The following VWA5B1 variants were observed in gnomAD, a reference collection of about 807,000 sequenced individuals.
VWA5B1 encodes von Willebrand factor A domain-containing protein 5B1.
VWA5B1 carries 115 observed loss-of-function variants against 118.2 expected under a neutral mutation model. The ratio of observed to expected loss-of-function variants is 0.97; its 90% CI spans 0.84 to 1.14. The LOEUF (loss-of-function observed/expected upper bound fraction) is 1.14, where lower values mean the gene tolerates loss of function less well. Among genes scored for constraint, VWA5B1 ranks in the 50% most tolerant of loss-of-function variants. The pLI, the probability that VWA5B1 is intolerant of heterozygous loss-of-function variation, is 0.00. For synonymous variants in VWA5B1, 682 were observed against 658.4 expected (o/e 1.04, Z -0.55); for missense variants, 1,596 against 1,603.8 (o/e 1.00, Z 0.08).
chr1:20,294,882 C>G (rs2100794132), intron 1 of VWA5B1, among the ~76,000 whole-genome samples: 1 of 152,390 alleles, frequency 6.6e-6, no homozygotes, highest in African/African-American at 2.4e-5. Context: ...AGCCACCATG[C>G]CTGGCCTCCC....
rs2090237967 is a variant in VWA5B1 at position 20,356,804 on chromosome 1, T to C, written c.*2541T>C. Among the ~76,000 whole-genome samples the C allele has an allele frequency of 6.6e-6, 1 of 152,132 alleles. No homozygotes were observed. The highest frequency in any genetic ancestry group is 1.5e-5 in the Non-Finnish European group (1 of 68,012). On this transcript the variant is annotated 3_prime_UTR_variant, in exon 22 of 22. Coordinates refer to ENST00000289815, the MANE Select transcript of VWA5B1 (RefSeq NM_001039500.3). ...TTGGTTGCAAATAACCCAAGAGCTA[T>C]GGGGGCAGGTCTGGACAAGAGACAT...
chr1:20,341,121 AGAT>A (rs1413112801), intron 14 of VWA5B1, among the ~76,000 whole-genome samples: 2 of 152,254 alleles, frequency 1.3e-5, no homozygotes. Context: ...GCATGAAGAA[AGAT>A]ACTTCTTTAT....
intron 5 of VWA5B1, 65 bp downstream of exon 5, chr1:20,317,740 TG>T: frequency 1.0e-6 from 1 of 987,982 alleles, no homozygotes; most frequent in Non-Finnish European, 1.4e-6. Context: ...CTGCCAGGGA[TG>T]GGACGGGGGT....
At chr1:20,323,994 C>T (rs1472207443) in intron 8 of VWA5B1, among the ~76,000 whole-genome samples, 3 of 152,166 alleles carry the variant, frequency 2.0e-5, no homozygotes, top group Non-Finnish European at 2.9e-5. Flanking sequence ...AGTCACCTGC[C>T]CAAGGTCACA....
At position 20,298,750 on chromosome 1, in the gene VWA5B1, C is replaced by T. The variant is rs557700774; in HGVS notation, c.-27+7662C>T. Among the ~76,000 whole-genome samples, 19 of 152,180 alleles carry T rather than the reference C, an allele frequency of 1.2e-4. No individual in the cohort carries two copies. In the South Asian group the frequency reaches 3.7e-3, roughly 30 times the overall value. ...AGCTCCTGATGCCCAGGCTGGCTGA[C>T]GAGGGGGACTCTGCAGCTGGCCTCC... On this transcript the variant is annotated intron_variant, in intron 1 of 21. Transcript: ENST00000289815.
At chr1:20,351,462 A>G (rs10916773) in intron 20 of VWA5B1, among the ~76,000 whole-genome samples, 2,347 of 151,920 alleles carry the variant, frequency 0.015, 60 homozygotes, top group African/African-American at 0.052. Context: ...GACCAGCCTG[A>G]CCAACATGGT....
chr1:20,313,069 C>A, intron 3 of VWA5B1, 81 bp downstream of exon 3: 1 of 1,497,498 alleles, frequency 6.7e-7, no homozygotes. Flanking sequence ...AGGCCAACTG[C>A]AAGGATAGCA....
In VWA5B1 at chr1:20,317,592, C is replaced by A; in HGVS notation, c.626C>A (p.Thr209Asn). Residue 209 changes from threonine to asparagine, a missense_variant, in exon 5 of 22, where the codon ACT becomes AAT. Transcript: ENST00000289815. ...TCCTGGAATAAGTTGTGCCTGGCGA[C>A]TCTCCTGAACACCGAAGTGTCCAAC... is the stretch of plus-strand genomic sequence containing the variant. ...PGSWNKLCLA[T>N]LLNTEVSNPM... is the part of the protein sequence containing the mutation. 1.3e-6 allele frequency: 2 copies of A among 1,551,928 alleles called. No individual in the cohort carries two copies. The highest frequency in any genetic ancestry group is 1.7e-6 in the Non-Finnish European group (2 of 1,147,042).
chr1:20,319,064 C>A (rs955618638), intron 6 of VWA5B1, among the ~76,000 whole-genome samples: 1 of 152,208 alleles, frequency 6.6e-6, no homozygotes, highest in African/African-American at 2.4e-5. Context: ...AGGAGAAATT[C>A]TTGTCTGTTC....
chr1:20,345,082 G>A (rs2089979242), intron 16 of VWA5B1, among the ~76,000 whole-genome samples: 1 of 152,232 alleles, frequency 6.6e-6, no homozygotes, highest in African/African-American at 2.4e-5. Context: ...CAGGGCACCT[G>A]TGAAGTTTTA....
chr1:20,310,273 G>A (rs1050763174), intron 1 of VWA5B1, among the ~76,000 whole-genome samples: 42 of 152,264 alleles, frequency 2.8e-4, no homozygotes, highest in African/African-American at 8.7e-4. Flanking sequence ...CAGGCTGAAC[G>A]TGAGGCTCAC....
intron 1 of VWA5B1, among the ~76,000 whole-genome samples, chr1:20,296,712 T>C (rs2088412966): frequency 6.6e-6 from 1 of 152,276 alleles, no homozygotes; most frequent in Non-Finnish European, 1.5e-5. Flanking sequence ...CATAAGATTC[T>C]ATTTTCATAT....
intron 1 of VWA5B1, among the ~76,000 whole-genome samples, chr1:20,299,668 T>C (rs888304394): frequency 7.2e-5 from 11 of 152,018 alleles, no homozygotes; most frequent in African/African-American, 2.7e-4. Flanking sequence ...CCTCCCAGAG[T>C]GCTGGGATTA....
intron 4 of VWA5B1, among the ~76,000 whole-genome samples, chr1:20,315,293 G>A (rs2088971798): frequency 6.6e-6 from 1 of 152,218 alleles, no homozygotes; most frequent in Admixed American, 6.5e-5. Context: ...CAATGAGGCT[G>A]CAGAGGCATT....
chr1:20,356,940 T>G lies in VWA5B1; in HGVS notation c.*2677T>G, dbSNP rs2090240623. 6.6e-6 allele frequency among the ~76,000 whole-genome samples: 1 copy of G among 152,172 alleles called. No homozygotes were observed. Among genetic ancestry groups the G allele is most frequent in the African/African-American group, 2.4e-5 (1 of 41,422 alleles). Reference sequence around the variant, plus strand: ...CGCTTTAAGGAAAAGATAAGAACCTTTGGTAATTAGTACATACATTGAAGC... The same window carrying G: ...CGCTTTAAGGAAAAGATAAGAACCTGTGGTAATTAGTACATACATTGAAGC... On this transcript the variant is annotated 3_prime_UTR_variant, in exon 22 of 22. Transcript: ENST00000289815.
In VWA5B1 at chr1:20,317,570, T is replaced by C. The variant is rs1312413499; in HGVS notation, c.604T>C (p.Trp202Arg). The C allele has an allele frequency of 6.4e-7, 1 of 1,551,710 alleles. No individual in the cohort carries two copies. The highest frequency in any genetic ancestry group is 2.4e-5 in the East Asian group (1 of 40,910). The change falls in exon 5 of 22, where the codon TGG (tryptophan) becomes CGG (arginine). Residue 202 changes from tryptophan to arginine, a missense_variant. Physicochemically the swap from Trp to Arg is moderately radical, Grantham distance 101 (BLOSUM62 -3). Coordinates refer to ENST00000289815, the MANE Select transcript of VWA5B1 (RefSeq NM_001039500.3). ...HCFGAWAPGS[W>R]NKLCLATLLN... is the part of the protein sequence containing the mutation. Reference sequence around the variant, plus strand: ...CTTCGGTGCCTGGGCCCCGGGCTCCTGGAATAAGTTGTGCCTGGCGACTCT... The same window carrying C: ...CTTCGGTGCCTGGGCCCCGGGCTCCCGGAATAAGTTGTGCCTGGCGACTCT...
Position 20,317,572 on chromosome 1 carries a change from G to T in VWA5B1, c.606G>T (p.Trp202Cys). 6.4e-7 allele frequency: 1 copy of T among 1,551,756 alleles called. No individual in the cohort carries two copies. The highest frequency in any genetic ancestry group is 8.7e-7 in the Non-Finnish European group (1 of 1,147,006). The stretch of plus-strand genomic sequence containing the variant: ...TCGGTGCCTGGGCCCCGGGCTCCTG[G>T]AATAAGTTGTGCCTGGCGACTCTCC... ...HCFGAWAPGSWNKLCLATLLN... is the reference protein window; with the variant it reads ...HCFGAWAPGSCNKLCLATLLN... The change falls in exon 5 of 22, where the codon TGG becomes TGT. Residue 202 changes from tryptophan to cysteine, a missense_variant. Transcript: ENST00000289815.
intron 9 of VWA5B1, 77 bp downstream of exon 9, chr1:20,328,077 A>T (rs576354357): frequency 7.1e-7 from 1 of 1,405,780 alleles, no homozygotes; most frequent in Non-Finnish European, 9.8e-7. Flanking sequence ...AGGGGAAAAA[A>T]TAGTTAAAAC....
In VWA5B1 at chr1:20,345,140, G is replaced by A. The variant is rs184028773; in HGVS notation, c.2627-316G>A. Among the ~76,000 whole-genome samples the A allele has an allele frequency of 9.8e-5, 15 of 152,308 alleles. No homozygotes were observed. In the East Asian group the frequency reaches 1.9e-3, roughly 20 times the overall value. ...CTGCAAAATTAAAGTACAAAATACA[G>A]ACAACATAGTGGGTTGGGTGTTTTT... On this transcript the variant is annotated intron_variant, in intron 16 of 21. Transcript: ENST00000289815.
Sources: allele counts gnomAD v4.1 joint callset (sites outside exome capture counted in the v4.1 genomes callset), GRCh38; gene constraint gnomAD v4.1.1; transcripts MANE v1.5; gene names NCBI Gene and HGNC (gene_info 2026-07-23, HGNC 2026-07-21).